TTN: variants seen among roughly 807,000 people sequenced by gnomAD.
TTN encodes connectin.
A neutral mutation model predicts 3,223.0 loss-of-function variants in TTN; 1,525 were observed. The ratio of observed to expected loss-of-function variants is 0.47; its 90% confidence interval spans 0.45 to 0.49. The LOEUF (loss-of-function observed/expected upper bound fraction) is 0.49. Ranked by LOEUF, TTN falls within the 20% of genes least tolerant of loss-of-function variation. The pLI is 0.00. For synonymous variants in TTN, 14,094 were observed against 15,161.0 expected (o/e 0.93, Z 5.17); for missense variants, 40,786 against 43,424.0 (o/e 0.94, Z 5.40).
At position 178,581,692 on chromosome 2, in the gene TTN, G is replaced by T. The variant is rs187378247; in HGVS notation, c.66576C>A (p.Leu22192=). Residue 22192 remains leucine, a synonymous_variant, in exon 316 of 363, where the codon CTC becomes CTA. Transcript: ENST00000589042. ...YDGGSPIIGY[L]VEVKRADSDN... is the part of the protein sequence containing the mutation. ...CGGAGTCAGCCCGTTTTACTTCAAC[G>T]AGATAACCAATGATAGGGCTGCCGC... 179 of 1,612,210 alleles carry T rather than the reference G, an allele frequency of 1.1e-4. No homozygotes were observed. The Admixed American group carries it at 3.0e-3, about 27-fold the overall frequency.
intron 1 of TTN, among the ~76,000 whole-genome samples, chr2:178,804,988 AC>A (rs1190493115): frequency 6.6e-6 from 1 of 152,198 alleles, no homozygotes; most frequent in Non-Finnish European, 1.5e-5. Context: ...GAAGAAGAAA[AC>A]CACAGCAATG....
At chr2:178,691,024 G>C (rs2072273606) in intron 121 of TTN, among the ~76,000 whole-genome samples, 1 of 152,142 alleles carries the variant, frequency 6.6e-6, no homozygotes, top group African/African-American at 2.4e-5. Context: ...TCTGTCTCAA[G>C]TAGCTTTAGT....
At position 178,570,747 on chromosome 2, in the gene TTN, A is replaced by G. The variant is rs373411870; in HGVS notation, c.75385T>C (p.Phe25129Leu). 6.2e-7 allele frequency: 1 copy of G among 1,613,556 alleles called. No homozygotes were observed. The highest frequency in any genetic ancestry group is 8.5e-7 in the Non-Finnish European group (1 of 1,179,610). The part of the protein sequence containing the change: ...DTIVVHAGES[F>L]KVDADIYGKP... ...CCATAAATATCTGCATCAACCTTGA[A>G]TGATTCACCAGCATGAACCACGATT... The change falls in exon 326 of 363, where the codon TTC becomes CTC. Residue 25129 changes from phenylalanine (F) to leucine (L), a missense_variant. By Grantham distance (22) the Phe-to-Leu change is conservative. Coordinates refer to ENST00000589042, the MANE Select transcript of TTN (RefSeq NM_001267550.2).
chr2:178,562,963 C>T lies in TTN; in HGVS notation c.83169G>A (p.Glu27723=), dbSNP rs547706181. 22 of 1,613,724 alleles carry T rather than the reference C, an allele frequency of 1.4e-5. No homozygotes were observed. The highest frequency in any genetic ancestry group is 1.9e-5 in the Non-Finnish European group (22 of 1,179,748). Residue 27723 remains glutamate (E), a synonymous_variant, in exon 326 of 363, where the codon GAG becomes GAA. Transcript: ENST00000589042. ...EGILTDRAQI[E]VTSSFTMLVI... Reference sequence around the variant, plus strand: ...CCAACATTGTAAATGAGCTGGTCACCTCTATCTGAGCCCTGTCAGTGAGAA... The same window carrying T: ...CCAACATTGTAAATGAGCTGGTCACTTCTATCTGAGCCCTGTCAGTGAGAA...
At chr2:178,699,974 C>G (rs1303850393) in intron 111 of TTN, among the ~76,000 whole-genome samples, 1 of 151,994 alleles carries the variant, frequency 6.6e-6, no homozygotes, top group Non-Finnish European at 1.5e-5. Flanking sequence ...CTCGGCCTCC[C>G]AAAGTGCTGG....
In TTN at chr2:178,526,963, G is replaced by A. The variant is rs756443541; in HGVS notation, c.*49C>T. On this transcript the variant is annotated 3_prime_UTR_variant, in exon 363 of 363. Transcript: ENST00000589042. ...TCAGAAAGATTAGTCCGTGTGAAAC[G>A]TTTGCGAAAAGTTAAGAATGAGTGT... 4.8e-5 allele frequency: 71 copies of A among 1,464,078 alleles called. No individual in the cohort carries two copies. The South Asian group carries it at 7.7e-4, about 16-fold the overall frequency. 90.7% of individuals were successfully genotyped at this position (1,464,078 alleles called of 1,614,324 possible).
In TTN at chr2:178,576,110, G is replaced by A; in HGVS notation, c.70022C>T (p.Ala23341Val). Residue 23341 changes from alanine to valine, a missense_variant, in exon 326 of 363, where the codon GCT (alanine) becomes GTT (valine). Ala to Val is a moderately conservative substitution (Grantham distance 64). Coordinates refer to ENST00000589042, the MANE Select transcript of TTN (RefSeq NM_001267550.2). The surrounding 1 kb of genome is among the most constrained non-coding windows in gnomAD (Gnocchi z 4.3). ...CTCGGCATCTAGTTCAAAATCAGGA[G>A]CCATCTCCCGTTCTACGATTTCAAC... The part of the protein sequence containing the change: ...PDVEIVEREM[A>V]PDFELDAELR... The A allele has an allele frequency of 1.2e-6, 2 of 1,613,444 alleles. No individual in the cohort carries two copies. Among genetic ancestry groups the A allele is most frequent in the Non-Finnish European group, 8.5e-7 (1 of 1,179,600 alleles).
intron 47 of TTN, chr2:178,748,529 T>C (rs2084356280): frequency 1.9e-6 from 3 of 1,612,988 alleles, no homozygotes; most frequent in Middle Eastern, 1.6e-4. Flanking sequence ...ATCTCCTATA[T>C]GAGAATACAT....
In TTN at chr2:178,713,369, C is replaced by A. The variant is rs397517520; in HGVS notation, c.26765G>T (p.Arg8922Leu). The change falls in exon 93 of 363, where the codon CGA becomes CTA. Residue 8922 changes from arginine (R) to leucine (L), a missense_variant. Coordinates refer to ENST00000589042, the MANE Select transcript of TTN (RefSeq NM_001267550.2). The stretch of plus-strand genomic sequence containing the variant: ...TCTTGTGAATGAAGGAGGAACGGTT[C>A]GGTCTGAATGATACAAAACAAAACA... ...SCTASLQVSD[R>L]TVPPSFTRKL... 2.0e-6 allele frequency: 3 copies of A among 1,502,214 alleles called. No homozygotes were observed. The highest frequency in any genetic ancestry group is 1.3e-5 in the South Asian group (1 of 79,118). 93.1% of individuals were successfully genotyped at this position (1,502,214 alleles called of 1,614,324 possible). A position where few individuals can be genotyped will look rare whatever the true frequency, so the allele number is the denominator to read the frequency against.
At chr2:178,792,573 T>C (rs1383108582) in intron 9 of TTN, among the ~76,000 whole-genome samples, 1 of 152,236 alleles carries the variant, frequency 6.6e-6, no homozygotes, top group East Asian at 1.9e-4. Context: ...GAAGTAATTT[T>C]GTCTGATCTT....
At chr2:178,646,648 C>T in intron 215 of TTN, 89 bp from the exon 216 acceptor site, 4 of 711,636 alleles carry the variant, frequency 5.6e-6, no homozygotes, top group Non-Finnish European at 9.5e-6. Flanking sequence ...GCAAAGATTA[C>T]AGTCACAAAA....
At chr2:178,784,729 T>C (rs1462598106) in intron 15 of TTN, among the ~76,000 whole-genome samples, 2 of 152,166 alleles carry the variant, frequency 1.3e-5, no homozygotes, top group Non-Finnish European at 2.9e-5. Context: ...ATTATTGAAA[T>C]TGTTGGTAAA....
chr2:178,684,195 A>G, intron 132 of TTN, 113 bp from the exon 133 acceptor site: 1 of 1,383,370 alleles, frequency 7.2e-7, no homozygotes, highest in South Asian at 1.3e-5. Flanking sequence ...TATTTCAAAC[A>G]TAAAACAACA....
chr2:178,737,952 A>G, intron 49 of TTN, 130 bp downstream of exon 49: 1 of 1,168,568 alleles, frequency 8.6e-7, no homozygotes, highest in East Asian at 2.5e-5. Context: ...GTACCTACCT[A>G]CCATGTTACT....
At position 178,604,300 on chromosome 2, in the gene TTN, C is replaced by A; in HGVS notation, c.54387G>T (p.Trp18129Cys). The A allele has an allele frequency of 6.9e-7, 1 of 1,443,384 alleles. No individual in the cohort carries two copies. 89.4% of individuals were successfully genotyped at this position (1,443,384 alleles called of 1,614,324 possible). The change falls in exon 282 of 363, where the codon TGG becomes TGT. Residue 18129 changes from tryptophan to cysteine, a missense_variant. Trp to Cys is a radical substitution (Grantham distance 215, BLOSUM62 -2). Coordinates refer to ENST00000589042, the MANE Select transcript of TTN (RefSeq NM_001267550.2). ...CATACTGACCATTGGGGATAAGTTT[C>A]CAGATCTAGAAATTAGAAAAACAGA... ...NTAVEKRYGI[W>C]KLIPNGQYEF... is the part of the protein sequence containing the mutation.
chr2:178,766,409 G>T lies in TTN; in HGVS notation c.9675C>A (p.Asn3225Lys). The part of the protein sequence containing the change: ...AGEYTFVAGR[N>K]RSSVTLYVNA... The stretch of plus-strand genomic sequence containing the variant: ...TGACATAGAGAGTGACAGAACTCCT[G>T]TTCCTTCCTGCCACAAAGGTGTATT... The change falls in exon 41 of 363, where the codon AAC becomes AAA. Residue 3225 changes from asparagine to lysine, a missense_variant. By Grantham distance (94) the Asn-to-Lys change is moderately conservative. Transcript: ENST00000589042. 1 of 1,613,854 alleles carries T rather than the reference G, an allele frequency of 6.2e-7. No individual in the cohort carries two copies. Among genetic ancestry groups the T allele is most frequent in the Non-Finnish European group, 8.5e-7 (1 of 1,179,790 alleles).
In TTN at chr2:178,562,974, C is replaced by A; in HGVS notation, c.83158G>T (p.Ala27720Ser). ...AATGAGCTGGTCACCTCTATCTGAGCCCTGTCAGTGAGAATGCCTTCTGCC... is the reference window on the plus strand; with the variant it reads ...AATGAGCTGGTCACCTCTATCTGAGACCTGTCAGTGAGAATGCCTTCTGCC... Reference protein sequence around the residue: ...EKAEGILTDRAQIEVTSSFTM... With the variant: ...EKAEGILTDRSQIEVTSSFTM... Residue 27720 changes from alanine to serine, a missense_variant, in exon 326 of 363, where the codon GCT (alanine) becomes TCT (serine). Transcript: ENST00000589042. 1 of 1,613,700 alleles carries A rather than the reference C, an allele frequency of 6.2e-7. No individual in the cohort carries two copies. Among genetic ancestry groups the A allele is most frequent in the Non-Finnish European group, 8.5e-7 (1 of 1,179,750 alleles).
In TTN at chr2:178,562,337, T is replaced by C; in HGVS notation, c.83795A>G (p.Tyr27932Cys). 2 of 1,612,004 alleles carry C rather than the reference T, an allele frequency of 1.2e-6. No individual in the cohort carries two copies. The highest frequency in any genetic ancestry group is 1.7e-6 in the Non-Finnish European group (2 of 1,179,138). ...TISGLTAGEE[Y>C]VFRVAAVNEK... is the part of the protein sequence containing the mutation. Reference sequence around the variant, plus strand: ...GTTAACTGCAGCTACCCTGAAGACATACTCTTCTCCTGCAGTTAAGCCAGA... The same window carrying C: ...GTTAACTGCAGCTACCCTGAAGACACACTCTTCTCCTGCAGTTAAGCCAGA... The change falls in exon 326 of 363, where the codon TAT (tyrosine) becomes TGT (cysteine). Residue 27932 changes from tyrosine to cysteine, a missense_variant. Coordinates refer to ENST00000589042, the MANE Select transcript of TTN (RefSeq NM_001267550.2).
chr2:178,646,107 TATATATA>T lies in TTN; in HGVS notation c.40298-84_40298-78del, dbSNP rs2061917848. On this transcript the variant is annotated intron_variant, in intron 216 of 362. Transcript: ENST00000589042. ...TATGTAGTATATTTAATAGAAATTA[TATATATA>T]TATATATATATATATATATATATAT... 8.9e-4 allele frequency: 76 copies of T among 85,282 alleles called. 1 individual carries two copies. Among genetic ancestry groups the T allele is most frequent in the African/African-American group, 3.1e-3 (59 of 19,008 alleles). The allele number at this position is 85,282 out of a possible 1,614,324, so 5.3% of individuals were successfully genotyped here.
Sources: allele counts gnomAD v4.1 joint callset (sites outside exome capture counted in the v4.1 genomes callset), GRCh38; gene constraint gnomAD v4.1.1; non-coding constraint Gnocchi (gnomAD v3.1); transcripts MANE v1.5; gene names NCBI Gene and HGNC (gene_info 2026-07-23, HGNC 2026-07-21).